Variants in KIAA1671 observed in about 807,000 individuals in gnomAD.
The protein encoded by KIAA1671 is KIAA1671, also known as uncharacterized protein KIAA1671.
Under a neutral mutation model 131.2 loss-of-function variants are expected in KIAA1671, and 52 were observed. The ratio of observed to expected loss-of-function variants is 0.40; its 90% CI spans 0.32 to 0.50. KIAA1671 has a LOEUF of 0.50. KIAA1671 is among the 20% of genes least tolerant of loss of function. The pLI is 0.73. For synonymous variants in KIAA1671, 1,003 were observed against 961.6 expected (o/e 1.04, Z -0.80); for missense variants, 2,360 against 2,364.2 (o/e 1.00, Z 0.04).
chr22:25,174,701 C>T, intron 8 of KIAA1671: 1 of 492,810 alleles, frequency 2.0e-6, no homozygotes, highest in Non-Finnish European at 3.5e-6. Flanking sequence ...CTCTCTGAGC[C>T]TCAGCTTCCT....
At chr22:25,109,151 C>G (rs919914890) in intron 6 of KIAA1671, among the ~76,000 whole-genome samples, 2 of 151,930 alleles carry the variant, frequency 1.3e-5, no homozygotes, top group African/African-American at 4.8e-5. Context: ...ACTCTGTCAC[C>G]CAGGCTGGAG....
At chr22:24,960,504 G>A (rs188193792) in intron 1 of KIAA1671, among the ~76,000 whole-genome samples, 1 of 142,150 alleles carries the variant, frequency 7.0e-6, no homozygotes, top group East Asian at 2.1e-4. Flanking sequence ...CTGAGATCGC[G>A]CCACTGCACT....
intron 6 of KIAA1671, among the ~76,000 whole-genome samples, chr22:25,150,421 C>G (rs559414839): frequency 6.6e-6 from 1 of 152,312 alleles, no homozygotes; most frequent in African/African-American, 2.4e-5. Flanking sequence ...GACGCAGGCT[C>G]TGTCGGCCCT....
At chr22:25,127,378 C>G (rs2145938326) in intron 6 of KIAA1671, among the ~76,000 whole-genome samples, 1 of 152,320 alleles carries the variant, frequency 6.6e-6, no homozygotes, top group East Asian at 1.9e-4. Flanking sequence ...GAGGGTTAAG[C>G]CTCTTCTTCA....
In KIAA1671 at chr22:25,192,589, C is replaced by G. The variant is rs1934703198; in HGVS notation, c.*188C>G. On this transcript the variant is annotated 3_prime_UTR_variant, in exon 13 of 13. Transcript: ENST00000358431. ...CTCCCTGGATCCAGACGGGAAGACCCAACCTCCAGGAGCACTCGCTCATCT... is the reference window on the plus strand; with the variant it reads ...CTCCCTGGATCCAGACGGGAAGACCGAACCTCCAGGAGCACTCGCTCATCT... 6.6e-6 allele frequency: 1 copy of G among 152,258 alleles called. No individual in the cohort carries two copies. Among genetic ancestry groups the G allele is most frequent in the Non-Finnish European group, 1.5e-5 (1 of 68,072 alleles). The allele number at this position is 152,258 out of a possible 1,614,324, so 9.4% of individuals were successfully genotyped here.
At chr22:25,063,978 G>T (rs1023328794) in intron 6 of KIAA1671, 2 of 152,122 alleles carry the variant, frequency 1.3e-5, no homozygotes, top group African/African-American at 4.8e-5. Flanking sequence ...CCTTACTCTG[G>T]CTCTACCAGG....
intron 6 of KIAA1671, among the ~76,000 whole-genome samples, chr22:25,088,384 G>C (rs1047692313): frequency 2.0e-5 from 3 of 152,208 alleles, no homozygotes; most frequent in Non-Finnish European, 4.4e-5. Context: ...TGGGATTACA[G>C]GCATGAGCCA....
At chr22:25,113,632 C>A (rs1319325422) in intron 6 of KIAA1671, among the ~76,000 whole-genome samples, 1 of 152,188 alleles carries the variant, frequency 6.6e-6, no homozygotes, top group Non-Finnish European at 1.5e-5. Context: ...CCCCAGGTCA[C>A]GCAGCAGCCA....
intron 1 of KIAA1671, among the ~76,000 whole-genome samples, chr22:24,977,739 A>C (rs1471189182): frequency 6.6e-6 from 1 of 152,248 alleles, no homozygotes; most frequent in African/African-American, 2.4e-5. Context: ...AAGTGGAGAC[A>C]GAGGTTTTTT....
intron 6 of KIAA1671, among the ~76,000 whole-genome samples, chr22:25,098,701 G>A (rs1930507327): frequency 6.6e-6 from 1 of 152,084 alleles, no homozygotes; most frequent in South Asian, 2.1e-4. Flanking sequence ...GCTAGCCCAA[G>A]GTCTAGGACT....
intron 6 of KIAA1671, among the ~76,000 whole-genome samples, chr22:25,115,133 T>C (rs1931585761): frequency 6.6e-6 from 1 of 152,224 alleles, no homozygotes; most frequent in Non-Finnish European, 1.5e-5. Flanking sequence ...GCTTTGTCTC[T>C]GAGCCACAAA....
intron 3 of KIAA1671, 143 bp from the exon 4 acceptor site, chr22:25,032,466 C>T: frequency 2.0e-6 from 1 of 506,670 alleles, no homozygotes; most frequent in Non-Finnish European, 3.6e-6. Context: ...GTAGGCTCTC[C>T]CCACTGGGCA....
At chr22:25,184,226 G>A (rs1023301913) in intron 10 of KIAA1671, among the ~76,000 whole-genome samples, 11 of 152,222 alleles carry the variant, frequency 7.2e-5, no homozygotes, top group African/African-American at 2.2e-4. Context: ...GTGTGACTTC[G>A]GGCTAGACCT....
intron 6 of KIAA1671, among the ~76,000 whole-genome samples, chr22:25,153,465 C>T (rs899910850): frequency 6.6e-6 from 1 of 152,236 alleles, no homozygotes; most frequent in Non-Finnish European, 1.5e-5. Context: ...AAACCCCATC[C>T]TAGACCTCAC....
At chr22:25,090,181 A>T (rs546816321) in intron 6 of KIAA1671, among the ~76,000 whole-genome samples, 1 of 152,328 alleles carries the variant, frequency 6.6e-6, no homozygotes, top group African/African-American at 2.4e-5. Flanking sequence ...GTCAGGCCTC[A>T]GGGTTTGCAC....
intron 6 of KIAA1671, among the ~76,000 whole-genome samples, chr22:25,097,058 A>G (rs758157955): frequency 2.6e-4 from 40 of 152,324 alleles, no homozygotes; most frequent in Middle Eastern, 3.4e-3. Context: ...AGCTATTATG[A>G]ATGAAGCTGC....
At chr22:25,127,003 T>C (rs1217042037) in intron 6 of KIAA1671, among the ~76,000 whole-genome samples, 3 of 152,200 alleles carry the variant, frequency 2.0e-5, no homozygotes, top group Non-Finnish European at 4.4e-5. Context: ...AGTTTCCCCA[T>C]ATGTTTTTTA....
intron 3 of KIAA1671, among the ~76,000 whole-genome samples, chr22:25,032,083 C>T (rs1436443497): frequency 6.6e-6 from 1 of 152,202 alleles, no homozygotes; most frequent in Non-Finnish European, 1.5e-5. Context: ...TCCAGAGAGG[C>T]AGAGACAGAC....
rs542690500 is a variant in KIAA1671, at chr22:25,168,428, C to T, written c.4531-2392C>T. ...ATCCAGGGTATACAGTGGTGGCTCACGCCTGGAATCCCAGCACTGCGGGAG... is the reference window on the plus strand; with the variant it reads ...ATCCAGGGTATACAGTGGTGGCTCATGCCTGGAATCCCAGCACTGCGGGAG... On this transcript the variant is annotated intron_variant, in intron 6 of 12. Transcript: ENST00000358431. 6.6e-5 allele frequency among the ~76,000 whole-genome samples: 10 copies of T among 152,348 alleles called. No individual in the cohort carries two copies. The South Asian group carries it at 8.3e-4, about 13-fold the overall frequency.
Sources: allele counts gnomAD v4.1 joint callset (sites outside exome capture counted in the v4.1 genomes callset), GRCh38; gene constraint gnomAD v4.1.1; transcripts MANE v1.5; gene names NCBI Gene and HGNC (gene_info 2026-07-23, HGNC 2026-07-21).